Variants in VAV2 observed in about 807,000 individuals in gnomAD.
VAV2 encodes the protein vav guanine nucleotide exchange factor 2, also known as guanine nucleotide exchange factor VAV2.
In VAV2, 67 loss-of-function variants were observed where a neutral mutation model predicts 132.5. That is an observed-to-expected ratio of 0.51 (90% CI 0.42 to 0.62). The LOEUF is 0.62. Ranked by LOEUF, VAV2 falls within the 20% of genes least tolerant of loss-of-function variation. The pLI is 0.00. For missense variants in VAV2, 938 were observed against 1,153.6 expected (o/e 0.81, Z 2.71); for synonymous variants, 492 against 443.5 (o/e 1.11, Z -1.37).
chr9:133,778,498 T>G (rs2510259), intron 22 of VAV2, among the ~76,000 whole-genome samples: 1 of 152,198 alleles, frequency 6.6e-6, no homozygotes, highest in Non-Finnish European at 1.5e-5. Context: ...GGGCCTCTCC[T>G]GGGAAGGGAC....
Position 133,853,446 on chromosome 9 carries a change from G to A in VAV2, c.380+7928C>T, listed in dbSNP as rs541792986. Among the ~76,000 whole-genome samples the A allele has an allele frequency of 1.4e-3, 219 of 152,208 alleles. 2 individuals carry two copies. The highest frequency in any genetic ancestry group is 2.8e-3 in the Non-Finnish European group (188 of 67,986). ...GGCACTGGGGAGGCCCTGCCCCAGC[G>A]GCCTCTGCTGACGCTTGCTTGTCCC... On this transcript the variant is annotated intron_variant, in intron 3 of 29. Transcript: ENST00000371850.
chr9:133,839,828 TA>T (rs1181249682), intron 3 of VAV2, among the ~76,000 whole-genome samples: 1 of 152,208 alleles, frequency 6.6e-6, no homozygotes, highest in African/African-American at 2.4e-5. Flanking sequence ...AGGGACTTTG[TA>T]AACACTGACC....
chr9:133,812,029 A>T, intron 5 of VAV2, 85 bp downstream of exon 5: 1 of 1,397,390 alleles, frequency 7.2e-7, no homozygotes, highest in Non-Finnish European at 1.0e-6. Context: ...AGACATGGGG[A>T]CAGCTCGGTA....
At position 133,916,209 on chromosome 9, in the gene VAV2, G is replaced by A. The variant is rs150645359; in HGVS notation, c.321+22894C>T. ...CACGCCTCTCTGCTCCTAGCCAGCG[G>A]GGTTATCCAAGGCTCCATGGAGGAG... On this transcript the variant is annotated intron_variant, in intron 2 of 29. Coordinates refer to ENST00000371850, the MANE Select transcript of VAV2 (RefSeq NM_001134398.2). 2.2e-4 allele frequency among the ~76,000 whole-genome samples: 34 copies of A among 152,372 alleles called. No homozygotes were observed. The East Asian group carries it at 6.4e-3, about 29-fold the overall frequency.
intron 2 of VAV2, among the ~76,000 whole-genome samples, chr9:133,931,276 G>T (rs1222303384): frequency 6.6e-6 from 1 of 152,218 alleles, no homozygotes; most frequent in Admixed American, 6.5e-5. Context: ...TTCCAGGCAG[G>T]GGGCAGCCAG....
chr9:133,894,858 G>A (rs1198394416), intron 2 of VAV2, among the ~76,000 whole-genome samples: 3 of 152,140 alleles, frequency 2.0e-5, no homozygotes, highest in African/African-American at 7.2e-5. Context: ...ATGACCCTAG[G>A]CAGGGTCCAG....
chr9:133,803,862 G>A (rs973160256), intron 9 of VAV2, among the ~76,000 whole-genome samples: 2 of 152,024 alleles, frequency 1.3e-5, no homozygotes, highest in Admixed American at 6.6e-5. Context: ...CTGGAGAACC[G>A]CCCCTTTTCT....
At chr9:133,887,009 C>A (rs76600745) in intron 2 of VAV2, among the ~76,000 whole-genome samples, 1 of 152,162 alleles carries the variant, frequency 6.6e-6, no homozygotes, top group Non-Finnish European at 1.5e-5. Flanking sequence ...CAAGCCCCCC[C>A]TCCCCACCCC....
At chr9:133,800,366 G>T (rs960455020) in intron 9 of VAV2, among the ~76,000 whole-genome samples, 3 of 152,212 alleles carry the variant, frequency 2.0e-5, no homozygotes. Flanking sequence ...TCCCAAGACC[G>T]CCTGGAGGCG....
intron 2 of VAV2, among the ~76,000 whole-genome samples, chr9:133,894,686 C>T (rs1310896631): frequency 2.6e-5 from 4 of 152,208 alleles, no homozygotes; most frequent in African/African-American, 9.7e-5. Context: ...CAAACCCCTC[C>T]AGGAATCTAA....
At chr9:133,784,694 T>TGGATGTGGGC (rs1165082925) in intron 17 of VAV2, among the ~76,000 whole-genome samples, 1 of 152,162 alleles carries the variant, frequency 6.6e-6, no homozygotes, top group Non-Finnish European at 1.5e-5. Context: ...TGACTGGGCT[T>TGGATGTGGGC]GGATGTGGGC....
chr9:133,810,977 G>A (rs1020393503), intron 5 of VAV2, among the ~76,000 whole-genome samples: 1 of 152,164 alleles, frequency 6.6e-6, no homozygotes. Context: ...ACGGCTCGCC[G>A]GCCGCCTCGG....
At chr9:133,899,689 C>A (rs1839361994) in intron 2 of VAV2, among the ~76,000 whole-genome samples, 1 of 145,694 alleles carries the variant, frequency 6.9e-6, no homozygotes, top group Non-Finnish European at 1.5e-5. Flanking sequence ...GGATTACATG[C>A]ATGAGCCACC....
Position 133,783,516 on chromosome 9 carries a change from A to G in VAV2, c.1710T>C (p.Pro570=). The change falls in exon 19 of 30, where the codon CCT becomes CCC. Residue 570 remains proline (P), a synonymous_variant. Coordinates refer to ENST00000371850, the MANE Select transcript of VAV2 (RefSeq NM_001134398.2). ...GAHKECLEVI[P]PCKFTSPADL... ...GGGGGTACTCACTGAACTTGCAGGG[A>G]GGTATCACTTCCAGGCACTCCTTGT... The G allele has an allele frequency of 6.2e-7, 1 of 1,613,596 alleles. No homozygotes were observed. Among genetic ancestry groups the G allele is most frequent in the Non-Finnish European group, 8.5e-7 (1 of 1,179,894 alleles).
At chr9:133,868,540 G>A (rs1837898597) in intron 2 of VAV2, among the ~76,000 whole-genome samples, 1 of 152,234 alleles carries the variant, frequency 6.6e-6, no homozygotes, top group African/African-American at 2.4e-5. Context: ...TTGCGGAAAG[G>A]GGACTGTGCC....
intron 24 of VAV2, among the ~76,000 whole-genome samples, chr9:133,775,385 G>A (rs75643915): frequency 1.5e-3 from 232 of 152,324 alleles, no homozygotes; most frequent in South Asian, 2.1e-3. Flanking sequence ...GGAGTTCAGC[G>A]TATTCAGTAG....
intron 29 of VAV2, among the ~76,000 whole-genome samples, chr9:133,764,378 AC>A (rs1467023765): frequency 6.6e-6 from 1 of 152,124 alleles, no homozygotes. Context: ...AAAGAACATC[AC>A]CCAGAACAAC....
rs1836345440 is a variant in VAV2, at chr9:133,833,548, G to C, written c.449+724C>G. Among the ~76,000 whole-genome samples the C allele has an allele frequency of 1.3e-5, 2 of 152,138 alleles. No individual in the cohort carries two copies. Among genetic ancestry groups the C allele is most frequent in the African/African-American group, 4.8e-5 (2 of 41,462 alleles). ...GGGTGGTGGATGAGCCAGGCCGTGA[G>C]GCCCCAGCAAGGATGCTCGGTCTCA... On this transcript the variant is annotated intron_variant, in intron 4 of 29. Coordinates refer to ENST00000371850, the MANE Select transcript of VAV2 (RefSeq NM_001134398.2). This position sits in a 1 kb window ranked among gnomAD's most constrained non-coding sequence, Gnocchi z 5.6.
At chr9:133,945,310 T>C (rs940590206) in intron 1 of VAV2, among the ~76,000 whole-genome samples, 17 of 152,164 alleles carry the variant, frequency 1.1e-4, no homozygotes, top group African/African-American at 2.9e-4. Flanking sequence ...GCACTGAGTG[T>C]AGGAGCCCGG....
Sources: allele counts gnomAD v4.1 joint callset (sites outside exome capture counted in the v4.1 genomes callset), GRCh38; gene constraint gnomAD v4.1.1; non-coding constraint Gnocchi (gnomAD v3.1); transcripts MANE v1.5; gene names NCBI Gene and HGNC (gene_info 2026-07-23, HGNC 2026-07-21).